The following PGAP6 variants were observed in gnomAD, a reference collection of about 807,000 sequenced individuals.
PGAP6 encodes post-GPI attachment to proteins factor 6.
PGAP6 carries 62 observed loss-of-function variants against 68.4 expected under a neutral mutation model. The ratio of observed to expected loss-of-function variants is 0.91; its 90% CI spans 0.74 to 1.12. The LOEUF (loss-of-function observed/expected upper bound fraction) is 1.12. Ranked by LOEUF, PGAP6 falls within the 50% of genes most tolerant of loss-of-function variation. The probability of loss-of-function intolerance (pLI) is 0.00; values close to 1 mark genes in which losing one functional copy is unlikely to be tolerated. For synonymous variants in PGAP6, 575 were observed against 474.0 expected (o/e 1.21, Z -2.77); for missense variants, 1,188 against 1,068.5 (o/e 1.11, Z -1.56).
rs1433174799 is a variant in PGAP6, at chr16:378,403, C to CACACT, written c.122-556_122-555insAGTGT. On this transcript the variant is annotated intron_variant, in intron 1 of 12. Transcript: ENST00000431232. ...CGCCACCCTGACTGCCATCGCCACCCGCACTGCCATCGCCACCCACACTGC... is the reference window on the plus strand; with the variant it reads ...CGCCACCCTGACTGCCATCGCCACCCACACTGCACTGCCATCGCCACCCACACTGC... 5.8e-5 allele frequency among the ~76,000 whole-genome samples: 7 copies of CACACT among 120,416 alleles called. 1 individual carries two copies. Among genetic ancestry groups the CACACT allele is most frequent in the Non-Finnish European group, 1.2e-4 (7 of 56,654 alleles). 79.0% of individuals were successfully genotyped at this position (120,416 alleles called of 152,430 possible). A position where few individuals can be genotyped will look rare whatever the true frequency, so the allele number is the denominator to read the frequency against.
Position 372,204 on chromosome 16 carries a change from G to GA in PGAP6, c.2098dup (p.Ser700PhefsTer16), listed in dbSNP as rs1165410161. On this transcript the variant is annotated frameshift_variant, in exon 13 of 13. Transcript: ENST00000431232. LOFTEE classifies it low-confidence loss of function (END_TRUNC). ...GATGGCGATGCCCACAGAGGCCATA[G>GA]AGACGCCGGGCAGGAGGTAGAAGGC... The GA allele has an allele frequency of 6.2e-7, 1 of 1,610,756 alleles. No homozygotes were observed. Among genetic ancestry groups the GA allele is most frequent in the Admixed American group, 1.7e-5 (1 of 59,836 alleles).
upstream of PGAP6, among the ~76,000 whole-genome samples, chr16:383,687 A>C (rs2054463351): frequency 6.6e-6 from 1 of 152,186 alleles, no homozygotes; most frequent in Admixed American, 6.5e-5. Flanking sequence ...GGAGAAAAAC[A>C]CGTTTCCTTT....
chr16:382,152 A>G (rs1262683359), upstream of PGAP6: 5 of 333,346 alleles, frequency 1.5e-5, no homozygotes, highest in African/African-American at 7.7e-5. Context: ...GTCCGGGGGG[A>G]CGCTGGAGGG....
chr16:377,633 G>A, intron 2 of PGAP6, 38 bp downstream of exon 2: 1 of 1,570,300 alleles, frequency 6.4e-7, no homozygotes, highest in Non-Finnish European at 8.6e-7. Flanking sequence ...GCTTGGCCAG[G>A]CGCGGGAGGG....
In PGAP6 at chr16:376,547, T is replaced by C. The variant is rs555820816; in HGVS notation, c.901A>G (p.Thr301Ala). 17 of 1,545,494 alleles carry C rather than the reference T, an allele frequency of 1.1e-5. 1 individual carries two copies. Among genetic ancestry groups the C allele is most frequent in the East Asian group, 6.8e-5 (3 of 44,274 alleles). ...CTCCAGCCCTTGTGCGGCCCACCTG[T>C]GAGGGCAGCTACAGCACTGAAAGCC... is the stretch of plus-strand genomic sequence containing the variant. ...TVAFSAVAAL[T>A]ACRPRSVTIQ... is the part of the protein sequence containing the mutation. The change falls in exon 5 of 13, where the codon ACA becomes GCA. Residue 301 changes from threonine to alanine, a missense_variant. Coordinates refer to ENST00000431232, the MANE Select transcript of PGAP6 (RefSeq NM_021259.3).
chr16:372,771 T>C, intron 11 of PGAP6, 44 bp from the exon 12 acceptor site: 1 of 1,459,258 alleles, frequency 6.9e-7, no homozygotes, highest in Admixed American at 1.8e-5. Context: ...CTCTGAGGGC[T>C]CAAGGCCCAG....
Position 376,387 on chromosome 16 carries a change from A to C in PGAP6, c.973T>G (p.Ser325Ala). The C allele has an allele frequency of 6.2e-7, 1 of 1,607,676 alleles. No homozygotes were observed. The highest frequency in any genetic ancestry group is 8.5e-7 in the Non-Finnish European group (1 of 1,176,658). Residue 325 changes from serine (S) to alanine (A), a missense_variant, in exon 6 of 13, where the codon TCC (serine) becomes GCC (alanine). Ser to Ala is a moderately conservative substitution (Grantham distance 99). Transcript: ENST00000431232. Reference protein sequence around the residue: ...QSSQNQSFNASSGLLSPSPDH... With the variant: ...QSSQNQSFNAASGLLSPSPDH... ...GGGCTCGGGGACAGCAGACCAGAGG[A>C]GGCATTGAAGCTCTGGTTTTGGCTG...
In PGAP6 at chr16:376,678, G is replaced by A. The variant is rs140612834; in HGVS notation, c.770C>T (p.Thr257Ile). ...GCAGGGCCAGGGGGCACCGGTGCAG[G>A]TGAGCACCTTCTGGAAGTTGCTAGG... ...TLPSNFQKVL[T>I]CTGAPWPCRL... is the part of the protein sequence containing the mutation. The change falls in exon 5 of 13, where the codon ACC (threonine) becomes ATC (isoleucine). Residue 257 changes from threonine (T) to isoleucine (I), a missense_variant. By Grantham distance (89) the Thr-to-Ile change is moderately conservative. Coordinates refer to ENST00000431232, the MANE Select transcript of PGAP6 (RefSeq NM_021259.3). The A allele has an allele frequency of 1.4e-5, 22 of 1,611,242 alleles. No individual in the cohort carries two copies. In the African/African-American group the frequency reaches 2.4e-4, roughly 18 times the overall value.
chr16:377,881 G>C, intron 1 of PGAP6, 33 bp from the exon 2 acceptor site: 1 of 1,526,666 alleles, frequency 6.6e-7, no homozygotes, highest in Non-Finnish European at 8.8e-7. Flanking sequence ...GCCAGGCCGG[G>C]ACCCTCCTCC....
chr16:373,971 C>T (rs1199867656), intron 11 of PGAP6, 34 bp downstream of exon 11: 1 of 1,572,008 alleles, frequency 6.4e-7, no homozygotes, highest in Non-Finnish European at 8.6e-7. Context: ...CCCTGCTCCC[C>T]CGGAGCCCAC....
rs1350262877 is a variant in PGAP6 at position 372,659 on chromosome 16, G to C, written c.1971C>G (p.Asn657Lys). 3.1e-6 allele frequency: 5 copies of C among 1,612,434 alleles called. No homozygotes were observed. Among genetic ancestry groups the C allele is most frequent in the Non-Finnish European group, 3.4e-6 (4 of 1,179,914 alleles). The change falls in exon 12 of 13, where the codon AAC (asparagine) becomes AAG (lysine). Residue 657 changes from asparagine (N) to lysine (K), a missense_variant. By Grantham distance (94) the Asn-to-Lys change is moderately conservative (BLOSUM62 0). Coordinates refer to ENST00000431232, the MANE Select transcript of PGAP6 (RefSeq NM_021259.3). Reference protein sequence around the residue: ...SLQLDRRGMWNMLGPCLFAFV... With the variant: ...SLQLDRRGMWKMLGPCLFAFV... ...AGGCAAAGAGGCAGGGCCCCAGCAT[G>C]TTCCACATGCCCCTGCGGTCCAGCT...
At chr16:382,322 G>T, upstream of PGAP6, 1 of 389,544 alleles carries the variant, frequency 2.6e-6, no homozygotes, top group Non-Finnish European at 4.5e-6. Flanking sequence ...TCCGTGGCAG[G>T]CTCGGGGAGC....
chr16:382,633 G>T (rs915526091), upstream of PGAP6, among the ~76,000 whole-genome samples: 2 of 151,920 alleles, frequency 1.3e-5, no homozygotes, highest in Non-Finnish European at 2.9e-5. Flanking sequence ...GATTTGAGCC[G>T]AAAAAAGGAA....
At chr16:379,255 G>A (rs2054418639) in intron 1 of PGAP6, among the ~76,000 whole-genome samples, 1 of 152,168 alleles carries the variant, frequency 6.6e-6, no homozygotes, top group Non-Finnish European at 1.5e-5. Context: ...TCCTGAGGAG[G>A]GAGACAGGTG....
chr16:375,411 C>G lies in PGAP6; in HGVS notation c.1249G>C (p.Val417Leu). The change falls in exon 7 of 13, where the codon GTA (valine) becomes CTA (leucine). Residue 417 changes from valine (V) to leucine (L), a missense_variant. Val to Leu is a conservative substitution (Grantham distance 32). Transcript: ENST00000431232. ...GAGGCAGCATTCACGCAGGCCACTACGACGGTCTCGTTCCGCATCTCTGTC... is the reference window on the plus strand; with the variant it reads ...GAGGCAGCATTCACGCAGGCCACTAGGACGGTCTCGTTCCGCATCTCTGTC... The part of the protein sequence containing the change: ...NKTEMRNETV[V>L]VACVNAASPF... 1.2e-6 allele frequency: 2 copies of G among 1,612,640 alleles called. No individual in the cohort carries two copies. Among genetic ancestry groups the G allele is most frequent in the Non-Finnish European group, 1.7e-6 (2 of 1,179,962 alleles).
chr16:378,378 CG>C (rs2054409500), intron 1 of PGAP6, among the ~76,000 whole-genome samples: 3 of 126,726 alleles, frequency 2.4e-5, no homozygotes, highest in African/African-American at 6.4e-5. Flanking sequence ...GCACTGCCAT[CG>C]CCACCCTGAC....
Position 377,752 on chromosome 16 carries a change from G to C in PGAP6, c.218C>G (p.Pro73Arg), listed in dbSNP as rs1454315107. Residue 73 changes from proline (P) to arginine (R), a missense_variant, in exon 2 of 13, where the codon CCC (proline) becomes CGC (arginine). Pro to Arg is a moderately radical substitution (Grantham distance 103, BLOSUM62 -2). Coordinates refer to ENST00000431232, the MANE Select transcript of PGAP6 (RefSeq NM_021259.3). ...CCAGCGTAGAAGCACAGCATCTGGG[G>C]GCACGCGGAAGCGGAAGAGCCTGGC... is the stretch of plus-strand genomic sequence containing the variant. ...GSARLFRFRV[P>R]PDAVLLRWLL... 6.3e-7 allele frequency: 1 copy of C among 1,595,164 alleles called. No individual in the cohort carries two copies. Among genetic ancestry groups the C allele is most frequent in the African/African-American group, 1.3e-5 (1 of 74,602 alleles).
At position 377,574 on chromosome 16, in the gene PGAP6, G is replaced by C; in HGVS notation, c.311C>G (p.Ser104Cys). 8.9e-6 allele frequency: 14 copies of C among 1,576,970 alleles called. No individual in the cohort carries two copies. Among genetic ancestry groups the C allele is most frequent in the Non-Finnish European group, 1.2e-5 (14 of 1,161,902 alleles). Residue 104 changes from serine (S) to cysteine (C), a missense_variant, in exon 3 of 13, where the codon TCC becomes TGC. Physicochemically the swap from Ser to Cys is moderately radical, Grantham distance 112. Transcript: ENST00000431232. The part of the protein sequence containing the change: ...TDAEITVHFR[S>C]GAPPVINPLG... ...CGGGTTGATGACCGGAGGGGCGCCG[G>C]AACGGAAGTGCCTGGAGACGGGAGA...
intron 3 of PGAP6, 34 bp from the exon 4 acceptor site, chr16:377,198 T>C (rs1349216904): frequency 6.2e-7 from 1 of 1,611,886 alleles, no homozygotes; most frequent in Non-Finnish European, 8.5e-7. Context: ...GGGGGCGGTG[T>C]CAGAGAATGC....
Sources: gnomAD v4.1 joint callset for allele counts (sites outside exome capture counted in the v4.1 genomes callset) on GRCh38, gnomAD v4.1.1 for gene constraint, MANE v1.5 for transcripts, NCBI Gene and HGNC (gene_info 2026-07-23, HGNC 2026-07-21) for gene names.